CR1: variants seen among roughly 807,000 people sequenced by gnomAD.
CR1 encodes complement C3b/C4b receptor 1 (Knops blood group), also known as complement receptor type 1.
A neutral mutation model predicts 187.3 loss-of-function variants in CR1; 116 were observed. That is an observed-to-expected ratio of 0.62 (90% CI 0.53 to 0.72). The LOEUF (loss-of-function observed/expected upper bound fraction) is 0.72, where lower values mean the gene tolerates loss of function less well. CR1 is among the 30% of genes least tolerant of loss of function. The pLI, the probability that CR1 is intolerant of heterozygous loss-of-function variation, is 0.00. For missense variants in CR1, 1,731 were observed against 2,110.7 expected, an observed-to-expected ratio of 0.82 and a Z score of 3.52; for synonymous variants, 576 against 747.1, an observed-to-expected ratio of 0.77 and a Z score of 3.73.
intron 46 of CR1, among the ~76,000 whole-genome samples, chr1:207,635,324 C>G (rs1159408664): frequency 6.6e-6 from 1 of 152,058 alleles, no homozygotes; most frequent in Non-Finnish European, 1.5e-5. Context: ...GGGGATGTGG[C>G]AGGGTCATAG....
rs759817653 is a variant in CR1 at position 207,578,212 on chromosome 1, G to T, written c.4936+9G>T. 9 of 1,611,720 alleles carry T rather than the reference G, an allele frequency of 5.6e-6. No homozygotes were observed. Among genetic ancestry groups the T allele is most frequent in the Non-Finnish European group, 7.6e-6 (9 of 1,179,722 alleles). ...ACCAAGCTGCTCCAGGGGTGAGTCT[G>T]ACTGATGCCTAGAAGGGCCCTGCCA... On this transcript the variant is annotated intron_variant, in intron 29 of 46. Coordinates refer to ENST00000367049, the MANE Select transcript of CR1 (RefSeq NM_000651.6).
chr1:207,496,468 G>C (rs1336540292), intron 1 of CR1, 80 bp downstream of exon 1: 5 of 1,422,432 alleles, frequency 3.5e-6, no homozygotes, highest in Admixed American at 2.5e-5. Flanking sequence ...GTGCAGCGCT[G>C]AGCTGCGCTG....
At chr1:207,499,528 A>C (rs1246152897) in intron 1 of CR1, among the ~76,000 whole-genome samples, 1 of 152,224 alleles carries the variant, frequency 6.6e-6, no homozygotes, top group African/African-American at 2.4e-5. Context: ...AGCACCATCA[A>C]TCCACTTGGG....
chr1:207,609,709 C>A, intron 37 of CR1, 21 bp downstream of exon 37: 1 of 1,540,254 alleles, frequency 6.5e-7, no homozygotes, highest in Non-Finnish European at 8.7e-7. Flanking sequence ...CCCATCAAGA[C>A]TTTGCTGGGT....
At chr1:207,575,536 G>C in intron 27 of CR1, 59 bp from the exon 28 acceptor site, 1 of 1,608,636 alleles carries the variant, frequency 6.2e-7, no homozygotes. Context: ...ACATATGCAT[G>C]CTGTCAGGAA....
chr1:207,515,085 G>A (rs1328013415), intron 4 of CR1, among the ~76,000 whole-genome samples: 2 of 137,584 alleles, frequency 1.5e-5, no homozygotes, highest in South Asian at 2.7e-4. Context: ...GTATGCATAC[G>A]TGTATGTATA....
At chr1:207,513,083 T>A (rs1224049049) in intron 4 of CR1, among the ~76,000 whole-genome samples, 2 of 152,206 alleles carry the variant, frequency 1.3e-5, no homozygotes, top group Admixed American at 1.3e-4. Context: ...ATAATTCAAG[T>A]CAGACTTCTA....
At chr1:207,564,686 A>C (rs149257151) in intron 23 of CR1, among the ~76,000 whole-genome samples, 3,260 of 150,016 alleles carry the variant, frequency 0.022, 98 homozygotes, top group Non-Finnish European at 0.029. Context: ...CTGTAATCCC[A>C]GCTACTCCGG....
intron 45 of CR1, among the ~76,000 whole-genome samples, chr1:207,627,316 C>T (rs1483115476): frequency 6.6e-6 from 1 of 151,996 alleles, no homozygotes; most frequent in African/African-American, 2.4e-5. Context: ...TCCATGAAGT[C>T]GGGGATTTTT....
chr1:207,608,394 A>G (rs1342482089), intron 36 of CR1, among the ~76,000 whole-genome samples: 1 of 152,206 alleles, frequency 6.6e-6, no homozygotes, highest in African/African-American at 2.4e-5. Context: ...TATGTATCTA[A>G]GAGGATATAA....
At chr1:207,499,821 G>A (rs1335256236) in intron 1 of CR1, among the ~76,000 whole-genome samples, 1 of 152,160 alleles carries the variant, frequency 6.6e-6, no homozygotes, top group Admixed American at 6.5e-5. Context: ...CAGATGAGTG[G>A]ATGTGTGATT....
At chr1:207,617,929 T>C in intron 41 of CR1, 142 bp from the exon 42 acceptor site, 3 of 781,874 alleles carry the variant, frequency 3.8e-6, no homozygotes, top group Non-Finnish European at 6.0e-6. Context: ...ACTGATCAAA[T>C]AGGAGGGAGT....
rs1259494501 is a variant in CR1 at position 207,584,988 on chromosome 1, G to A, written c.5530+112G>A. The A allele has an allele frequency of 7.4e-6, 11 of 1,487,234 alleles. No homozygotes were observed. The East Asian group carries it at 1.4e-4, about 19-fold the overall frequency. The allele number at this position is 1,487,234 out of a possible 1,614,324, so 92.1% of individuals were successfully genotyped here. A position where few individuals can be genotyped will look rare whatever the true frequency, so the allele number is the denominator to read the frequency against. ...GTTTGTGAGCTTAACTTTGTCATAA[G>A]TGTAAATGTCAAAATTACATACCAT... On this transcript the variant is annotated intron_variant, in intron 33 of 46. Transcript: ENST00000367049.
At chr1:207,514,994 T>TACACACACACAC (rs369482432) in intron 4 of CR1, among the ~76,000 whole-genome samples, 26 of 119,564 alleles carry the variant, frequency 2.2e-4, no homozygotes, top group African/African-American at 7.4e-4. Context: ...TATATATATA[T>TACACACACACAC]ACACACACAC....
intron 4 of CR1, among the ~76,000 whole-genome samples, chr1:207,521,224 AC>A (rs1205361303): frequency 2.6e-5 from 4 of 151,504 alleles, no homozygotes; most frequent in Non-Finnish European, 5.9e-5. Flanking sequence ...TGATCTGCCC[AC>A]CTCGGCCTCC....
In CR1 at chr1:207,544,782, T is replaced by A. The variant is rs1206294845; in HGVS notation, c.2237-526T>A. On this transcript the variant is annotated intron_variant, in intron 13 of 46. Coordinates refer to ENST00000367049, the MANE Select transcript of CR1 (RefSeq NM_000651.6). ...AGACCCATAGTTCTTTACCACCCTA[T>A]GTCAGGTGGCCGCTGAGAGAAGACT... is the stretch of plus-strand genomic sequence containing the variant. 6.2e-5 allele frequency among the ~76,000 whole-genome samples: 9 copies of A among 146,010 alleles called. 1 individual carries two copies. The highest frequency in any genetic ancestry group is 2.2e-4 in the African/African-American group (8 of 36,836).
chr1:207,609,972 T>G (rs1306955869), intron 37 of CR1, among the ~76,000 whole-genome samples: 1 of 152,146 alleles, frequency 6.6e-6, no homozygotes, highest in African/African-American at 2.4e-5. Flanking sequence ...TGAGTCTTAG[T>G]GATATTAAAG....
At chr1:207,501,945 G>A (rs1404324862) in intron 1 of CR1, among the ~76,000 whole-genome samples, 3 of 151,252 alleles carry the variant, frequency 2.0e-5, no homozygotes, top group African/African-American at 7.3e-5. Flanking sequence ...TATCCTCAAA[G>A]TGCTGTTATC....
At chr1:207,601,571 C>T (rs562366427) in intron 35 of CR1, among the ~76,000 whole-genome samples, 1 of 152,218 alleles carries the variant, frequency 6.6e-6, no homozygotes, top group East Asian at 1.9e-4. Flanking sequence ...ACATCCTCAC[C>T]AACACTTGTC....
Sources: allele counts gnomAD v4.1 joint callset (sites outside exome capture counted in the v4.1 genomes callset), GRCh38; gene constraint gnomAD v4.1.1; transcripts MANE v1.5; gene names NCBI Gene and HGNC (gene_info 2026-07-23, HGNC 2026-07-21).